CRYM: variants seen among roughly 807,000 people sequenced by gnomAD.
CRYM encodes crystallin mu.
In CRYM, 18 loss-of-function variants were observed where a neutral mutation model predicts 32.9. The ratio of observed to expected loss-of-function variants is 0.55; its 90% CI spans 0.38 to 0.81. The LOEUF (loss-of-function observed/expected upper bound fraction) is 0.81, where lower values mean the gene tolerates loss of function less well. CRYM is among the 30% of genes least tolerant of loss of function. The pLI, the probability that CRYM is intolerant of heterozygous loss-of-function variation, is 0.00. For missense variants in CRYM, 337 were observed against 393.5 expected (o/e 0.86, Z 1.21); for synonymous variants, 153 against 152.4 (o/e 1.00, Z -0.03).
intron 4 of CRYM, 120 bp from the exon 5 acceptor site, chr16:21,267,857 AAT>A: frequency 1.1e-6 from 1 of 914,946 alleles, no homozygotes; most frequent in Non-Finnish European, 1.8e-6. Context: ...TGGTTATCTA[AAT>A]CACTCCTAAA....
chr16:21,302,842 A>G (rs946545221), intron 1 of CRYM: 16 of 152,260 alleles, frequency 1.1e-4, no homozygotes, highest in Admixed American at 9.2e-4. Context: ...AGTTACAGAT[A>G]TCTCAAGACA....
intron 3 of CRYM, among the ~76,000 whole-genome samples, chr16:21,274,641 T>A (rs905945025): frequency 4.6e-5 from 7 of 152,220 alleles, no homozygotes; most frequent in Admixed American, 3.3e-4. Context: ...ACACTCACTC[T>A]TTTGCCCAGG....
upstream of CRYM, among the ~76,000 whole-genome samples, chr16:21,279,175 G>A (rs1401495749): frequency 6.6e-6 from 1 of 152,158 alleles, no homozygotes; most frequent in Non-Finnish European, 1.5e-5. Context: ...TCAGGTTATT[G>A]ATCTTTACTA....
At chr16:21,292,491 G>T (rs1960682977) in intron 1 of CRYM, among the ~76,000 whole-genome samples, 1 of 152,096 alleles carries the variant, frequency 6.6e-6, no homozygotes, top group Non-Finnish European at 1.5e-5. Context: ...ATTGTCAATT[G>T]TCCCCAAATT....
At chr16:21,275,133 A>G (rs2093383717) in intron 3 of CRYM, among the ~76,000 whole-genome samples, 1 of 152,200 alleles carries the variant, frequency 6.6e-6, no homozygotes, top group African/African-American at 2.4e-5. Context: ...ACCAGGGGCA[A>G]TGTGGTACAG....
chr16:21,294,779 C>A (rs1304643673), intron 1 of CRYM, among the ~76,000 whole-genome samples: 1 of 151,278 alleles, frequency 6.6e-6, no homozygotes, highest in Non-Finnish European at 1.5e-5. Flanking sequence ...ACTGCAACCT[C>A]CACCTCCTGG....
At chr16:21,279,762 G>C (rs1218797762), upstream of CRYM, among the ~76,000 whole-genome samples, 1 of 152,170 alleles carries the variant, frequency 6.6e-6, no homozygotes, top group African/African-American at 2.4e-5. Context: ...GCATTTTGTA[G>C]GAAATGGTCA....
chr16:21,271,879 G>A (rs907491496), intron 3 of CRYM, among the ~76,000 whole-genome samples: 2 of 149,746 alleles, frequency 1.3e-5, no homozygotes, highest in African/African-American at 2.5e-5. Context: ...TTTTTTTTCC[G>A]AGACAGTCTC....
rs76286936 is a variant in CRYM, at chr16:21,258,960, A to C, written c.881-115T>G. 9,767 of 809,204 alleles carry C rather than the reference A, an allele frequency of 0.012. 605 individuals carry two copies. In the African/African-American group the frequency reaches 0.14, roughly 12 times the overall value. The allele number at this position is 809,204 out of a possible 1,614,324, so 50.1% of individuals were successfully genotyped here. A position where few individuals can be genotyped will look rare whatever the true frequency, so the allele number is the denominator to read the frequency against. On this transcript the variant is annotated intron_variant, in intron 7 of 7. Coordinates refer to ENST00000572914, the MANE Select transcript of CRYM (RefSeq NM_001376256.1). The stretch of plus-strand genomic sequence containing the variant: ...TGTCCATGTTGCCAATGCCTATTGG[A>C]ATAACAGGGACTGATACCCAGAGAT...
upstream of CRYM, chr16:21,278,448 A>AGCAACG (rs1597622302): frequency 2.1e-5 from 13 of 632,082 alleles, no homozygotes; most frequent in East Asian, 3.6e-4. Context: ...AGGGTGGGCG[A>AGCAACG]GATGGGTCCC....
At chr16:21,294,382 T>C (rs1156635737) in intron 1 of CRYM, among the ~76,000 whole-genome samples, 2 of 152,208 alleles carry the variant, frequency 1.3e-5, no homozygotes, top group Non-Finnish European at 2.9e-5. Flanking sequence ...ATGTGCAGAA[T>C]GTGCAGGTTT....
chr16:21,290,290 G>A (rs770653007), intron 1 of CRYM, among the ~76,000 whole-genome samples: 1 of 152,136 alleles, frequency 6.6e-6, no homozygotes, highest in Admixed American at 6.6e-5. Flanking sequence ...CATTCCTTAA[G>A]TCAGTGAGAC....
chr16:21,278,014 C>G (rs1480772741), intron 1 of CRYM, 68 bp downstream of exon 1: 2 of 1,489,120 alleles, frequency 1.3e-6, no homozygotes, highest in African/African-American at 2.8e-5. Flanking sequence ...CCCACCCCTC[C>G]TCTTCCTGCT....
intron 1 of CRYM, among the ~76,000 whole-genome samples, chr16:21,286,548 T>C (rs2152864371): frequency 6.6e-6 from 1 of 152,154 alleles, no homozygotes; most frequent in South Asian, 2.1e-4. Flanking sequence ...TTGACAAGGA[T>C]ATTTGATTAT....
intron 3 of CRYM, among the ~76,000 whole-genome samples, chr16:21,274,273 T>C (rs1481941650): frequency 6.6e-6 from 1 of 152,182 alleles, no homozygotes; most frequent in Non-Finnish European, 1.5e-5. Flanking sequence ...ATCACCCCCA[T>C]TGCTTACTGT....
chr16:21,282,677 T>C (rs1343236496), upstream of CRYM, among the ~76,000 whole-genome samples: 2 of 152,120 alleles, frequency 1.3e-5, no homozygotes, highest in Non-Finnish European at 2.9e-5. Flanking sequence ...ACCTCAATAA[T>C]AGGAATTCAC....
chr16:21,285,119 T>C (rs563750346), intron 1 of CRYM, among the ~76,000 whole-genome samples: 13 of 152,342 alleles, frequency 8.5e-5, no homozygotes, highest in African/African-American at 3.1e-4. Flanking sequence ...TTTGGGTTAT[T>C]TGTTTTTGGC....
intron 1 of CRYM, among the ~76,000 whole-genome samples, chr16:21,289,687 T>C (rs1960570044): frequency 6.6e-6 from 1 of 152,102 alleles, no homozygotes; most frequent in Non-Finnish European, 1.5e-5. Flanking sequence ...CACCCTCTCT[T>C]CTGTCAAAGT....
Position 21,277,419 on chromosome 16 carries a change from G to A in CRYM, c.324+12C>T, listed in dbSNP as rs200950586. 2.2e-5 allele frequency: 35 copies of A among 1,612,336 alleles called. No individual in the cohort carries two copies. Among genetic ancestry groups the A allele is most frequent in the South Asian group, 3.3e-5 (3 of 91,044 alleles). On this transcript the variant is annotated intron_variant, in intron 2 of 7. Coordinates refer to ENST00000572914, the MANE Select transcript of CRYM (RefSeq NM_001376256.1). This position sits in a 1 kb window ranked among gnomAD's most constrained non-coding sequence, Gnocchi z 4.2. ...GGGGCCCCATTCCACCCCGGGACAG[G>A]AAGTTGCTCACCGCCAGCAGGGTGC...
Sources: gnomAD v4.1 joint callset for allele counts (sites outside exome capture counted in the v4.1 genomes callset) on GRCh38, gnomAD v4.1.1 for gene constraint, Gnocchi (gnomAD v3.1) non-coding constraint, MANE v1.5 for transcripts, NCBI Gene and HGNC (gene_info 2026-07-23, HGNC 2026-07-21) for gene names.